Variants in PMAIP1 observed in about 807,000 individuals in gnomAD.
PMAIP1 encodes the protein phorbol-12-myristate-13-acetate-induced protein 1.
In PMAIP1, 3 loss-of-function variants were observed where a neutral mutation model predicts 3.7. The observed-to-expected ratio is 0.82, with a 90% CI of 0.37 to 2.12. PMAIP1 has a LOEUF of 2.12. Ranked by LOEUF, PMAIP1 falls within the 30% of genes most tolerant of loss-of-function variation. PMAIP1 has a pLI of 0.06. For missense variants in PMAIP1, 77 were observed against 67.1 expected (o/e 1.15, Z -0.52); for synonymous variants, 29 against 26.2 (o/e 1.11, Z -0.32).
intron 1 of PMAIP1, chr18:59,900,493 T>G (rs754770727): frequency 6.4e-7 from 1 of 1,550,482 alleles, no homozygotes. Context: ...GCAGCTGCGT[T>G]TCACCAGGGG....
rs2055794148 is a variant in PMAIP1 at position 59,904,159 on chromosome 18, T to G, written c.*1406T>G. On this transcript the variant is annotated 3_prime_UTR_variant, in exon 2 of 2. Transcript: ENST00000316660. ...TGTTTTCTTCAGTATTACTTAAGAT[T>G]GTTTATTTAGTGGTAGAGAGTTTTT... 1.3e-5 allele frequency: 2 copies of G among 152,006 alleles called. No homozygotes were observed. The allele number at this position is 152,006 out of a possible 1,614,324, so 9.4% of individuals were successfully genotyped here. A position where few individuals can be genotyped will look rare whatever the true frequency, so the allele number is the denominator to read the frequency against.
intron 1 of PMAIP1, chr18:59,900,573 G>C (rs1456199213): frequency 1.3e-6 from 2 of 1,550,306 alleles, no homozygotes; most frequent in Admixed American, 2.0e-5. Flanking sequence ...AGGAACAAGT[G>C]CAAGTGTAGG....
chr18:59,900,778 T>G (rs1055143323), intron 1 of PMAIP1: 7 of 575,050 alleles, frequency 1.2e-5, no homozygotes, highest in Non-Finnish European at 2.1e-5. Context: ...AGTCCGCTCC[T>G]TTTTTTCATT....
In PMAIP1 at chr18:59,900,623, G is replaced by T. The variant is rs558033990; in HGVS notation, c.58+388G>T. ...AGAAAGTCATTGTCGCGGCAGAAGG[G>T]GCAGGAGAGAGCCCCGGGGACCGCC... On this transcript the variant is annotated intron_variant, in intron 1 of 1. Transcript: ENST00000316660. The T allele has an allele frequency of 7.8e-6, 12 of 1,543,684 alleles. No homozygotes were observed. The Admixed American group carries it at 2.4e-4, about 30-fold the overall frequency.
rs1218099741 is a variant in PMAIP1, at chr18:59,903,936, A to G, written c.*1183A>G. 1 of 152,158 alleles carries G rather than the reference A, an allele frequency of 6.6e-6. No homozygotes were observed. Among genetic ancestry groups the G allele is most frequent in the Non-Finnish European group, 1.5e-5 (1 of 67,998 alleles). 9.4% of individuals were successfully genotyped at this position (152,158 alleles called of 1,614,324 possible). On this transcript the variant is annotated 3_prime_UTR_variant, in exon 2 of 2. Coordinates refer to ENST00000316660, the MANE Select transcript of PMAIP1 (RefSeq NM_021127.3). ...CTGGGCTATATACAGTCCTCAAATA[A>G]ATAATGTCTTGATTTTATTTCAGCA... is the stretch of plus-strand genomic sequence containing the variant.
rs765599805 is a variant in PMAIP1 at position 59,900,235 on chromosome 18, G to C, written c.58G>C (p.Glu20Gln). The C allele has an allele frequency of 1.3e-6, 2 of 1,547,790 alleles. No individual in the cohort carries two copies. The highest frequency in any genetic ancestry group is 1.7e-6 in the Non-Finnish European group (2 of 1,148,436). ...ACCGAGCCCCGCGCGGGCTCCAGCA[G>C]GTACCGACCCGCTGGGGCCAGCGAA... ...AQPSPARAPAELEVECATQLR... is the reference protein window; with the variant it reads ...AQPSPARAPAQLEVECATQLR... The change falls in exon 1 of 2, where the codon GAG becomes CAG. Residue 20 changes from glutamate to glutamine, a missense_variant and splice_region_variant. By Grantham distance (29) the Glu-to-Gln change is conservative. Coordinates refer to ENST00000316660, the MANE Select transcript of PMAIP1 (RefSeq NM_021127.3).
In PMAIP1 at chr18:59,902,644, C is replaced by T; in HGVS notation, c.59-3C>T. On this transcript the variant is annotated splice_region_variant and splice_polypyrimidine_tract_variant and intron_variant, in intron 1 of 1. Transcript: ENST00000316660. ...CATGTCCATGTTTTGCTTTCCTTCTCAGAGCTGGAAGTCGAGTGTGCTACT... is the reference window on the plus strand; with the variant it reads ...CATGTCCATGTTTTGCTTTCCTTCTTAGAGCTGGAAGTCGAGTGTGCTACT... The T allele has an allele frequency of 6.2e-7, 1 of 1,613,746 alleles. No individual in the cohort carries two copies. The highest frequency in any genetic ancestry group is 8.5e-7 in the Non-Finnish European group (1 of 1,179,650).
At chr18:59,900,537 G>A (rs113061570) in intron 1 of PMAIP1, 22 of 1,550,070 alleles carry the variant, frequency 1.4e-5, no homozygotes, top group Non-Finnish European at 1.9e-5. Flanking sequence ...TTTCCTCCTC[G>A]CCACTTGCCC....
At chr18:59,901,767 A>T (rs2055771978) in intron 1 of PMAIP1, among the ~76,000 whole-genome samples, 1 of 152,250 alleles carries the variant, frequency 6.6e-6, no homozygotes, top group Admixed American at 6.5e-5. Context: ...AATTGAAATT[A>T]TAGTCAGTAT....
intron 1 of PMAIP1, 195 bp downstream of exon 1, chr18:59,900,430 C>CCGGCGGGTA: frequency 2.3e-5 from 36 of 1,543,796 alleles, no homozygotes; most frequent in Non-Finnish European, 2.7e-5. Context: ...TTCCCCAGGA[C>CCGGCGGGTA]CGGCGGGTAC....
At position 59,903,341 on chromosome 18, in the gene PMAIP1, G is replaced by T. The variant is rs1170665256; in HGVS notation, c.*588G>T. 1 of 156,798 alleles carries T rather than the reference G, an allele frequency of 6.4e-6. No individual in the cohort carries two copies. Among genetic ancestry groups the T allele is most frequent in the African/African-American group, 2.4e-5 (1 of 41,462 alleles). 9.7% of individuals were successfully genotyped at this position (156,798 alleles called of 1,614,324 possible). A position where few individuals can be genotyped will look rare whatever the true frequency, so the allele number is the denominator to read the frequency against. On this transcript the variant is annotated 3_prime_UTR_variant, in exon 2 of 2. Coordinates refer to ENST00000316660, the MANE Select transcript of PMAIP1 (RefSeq NM_021127.3). ...TCATTTGTTTCTTTTGACTCAAATT[G>T]TATTGCTTCTGTTCAGATGATCTTT...
chr18:59,900,555 G>C, intron 1 of PMAIP1: 1 of 1,550,468 alleles, frequency 6.4e-7, no homozygotes, highest in Non-Finnish European at 8.7e-7. Context: ...CCCTTCCCCG[G>C]GGCCACGAGG....
chr18:59,900,042 C>A lies in PMAIP1; in HGVS notation c.-136C>A. 1 of 889,736 alleles carries A rather than the reference C, an allele frequency of 1.1e-6. No individual in the cohort carries two copies. The highest frequency in any genetic ancestry group is 1.6e-6 in the Non-Finnish European group (1 of 618,024). 55.1% of individuals were successfully genotyped at this position (889,736 alleles called of 1,614,324 possible). On this transcript the variant is annotated 5_prime_UTR_variant, in exon 1 of 2. Transcript: ENST00000316660. ...GTGTGTAGTTGGCATCTCCGCGCGT[C>A]CGGACACCCGATCCCAGCATCCCTG...
In PMAIP1 at chr18:59,903,135, GA is replaced by G. The variant is rs1193154707; in HGVS notation, c.*385del. ...TGTGATTAGACTGGGCGGCTGGGGA[GA>G]AACAGTTCAGTGCATTGTTGTTGTT... is the stretch of plus-strand genomic sequence containing the variant. On this transcript the variant is annotated 3_prime_UTR_variant, in exon 2 of 2. Transcript: ENST00000316660. 11 of 473,784 alleles carry G rather than the reference GA, an allele frequency of 2.3e-5. No individual in the cohort carries two copies. The highest frequency in any genetic ancestry group is 7.4e-5 in the Admixed American group (2 of 26,948). 29.3% of individuals were successfully genotyped at this position (473,784 alleles called of 1,614,324 possible). A position where few individuals can be genotyped will look rare whatever the true frequency, so the allele number is the denominator to read the frequency against.
chr18:59,902,576 G>A (rs752344600), intron 1 of PMAIP1, 71 bp from the exon 2 acceptor site: 140 of 1,278,872 alleles, frequency 1.1e-4, no homozygotes, highest in Admixed American at 4.4e-4. Flanking sequence ...TAGTGTGGGC[G>A]TATTAGGTTT....
Position 59,900,009 on chromosome 18 carries a change from C to T in PMAIP1, c.-169C>T, listed in dbSNP as rs916216090. On this transcript the variant is annotated 5_prime_UTR_variant, in exon 1 of 2. Coordinates refer to ENST00000316660, the MANE Select transcript of PMAIP1 (RefSeq NM_021127.3). ...CGCGGGGATCTCAGAGTTTCCCGGG[C>T]ACTCACCGTGTGTAGTTGGCATCTC... 1.7e-6 allele frequency: 1 copy of T among 578,868 alleles called. No individual in the cohort carries two copies. The highest frequency in any genetic ancestry group is 3.6e-5 in the Admixed American group (1 of 27,830). 35.9% of individuals were successfully genotyped at this position (578,868 alleles called of 1,614,324 possible).
In PMAIP1 at chr18:59,902,814, T is replaced by C. The variant is rs769709864; in HGVS notation, c.*61T>C. On this transcript the variant is annotated 3_prime_UTR_variant, in exon 2 of 2. Coordinates refer to ENST00000316660, the MANE Select transcript of PMAIP1 (RefSeq NM_021127.3). ...AAGAGTTTTCTCAGGAGGTGCACGT[T>C]TCATCAATTTGAAGAAAGACTGCAT... The C allele has an allele frequency of 6.2e-7, 1 of 1,612,116 alleles. No homozygotes were observed. Among genetic ancestry groups the C allele is most frequent in the Non-Finnish European group, 8.5e-7 (1 of 1,178,840 alleles).
chr18:59,900,490 C>T, intron 1 of PMAIP1: 2 of 1,550,296 alleles, frequency 1.3e-6, no homozygotes, highest in Non-Finnish European at 8.7e-7. Context: ...GATGCAGCTG[C>T]GTTTCACCAG....
intron 1 of PMAIP1, chr18:59,900,607 T>C (rs1381460560): frequency 6.5e-7 from 1 of 1,548,504 alleles, no homozygotes; most frequent in Non-Finnish European, 8.7e-7. Context: ...GAGAAAGTCA[T>C]TGTCGCGGCA....
Sources: gnomAD v4.1 joint callset for allele counts (sites outside exome capture counted in the v4.1 genomes callset) on GRCh38, gnomAD v4.1.1 for gene constraint, MANE v1.5 for transcripts, NCBI Gene and HGNC (gene_info 2026-07-23, HGNC 2026-07-21) for gene names.